Variants in HACD3 observed in about 807,000 individuals in gnomAD.
HACD3 encodes the protein very-long-chain (3R)-3-hydroxyacyl-CoA dehydratase 3.
A neutral mutation model predicts 55.2 loss-of-function variants in HACD3; 30 were observed. That is an observed-to-expected ratio of 0.54 (90% CI 0.41 to 0.74). HACD3 has a LOEUF of 0.74. Ranked by LOEUF, HACD3 falls within the 30% of genes least tolerant of loss-of-function variation. The pLI is 0.00. For synonymous variants in HACD3, 141 were observed against 151.7 expected (o/e 0.93, Z 0.52); for missense variants, 363 against 440.1 (o/e 0.82, Z 1.57).
intron 4 of HACD3, 147 bp from the exon 5 acceptor site, chr15:65,558,533 G>T: frequency 1.4e-6 from 1 of 710,964 alleles, no homozygotes; most frequent in South Asian, 1.8e-5. Flanking sequence ...TTGGCCCTAT[G>T]ACCTAGAATA....
intron 1 of HACD3, among the ~76,000 whole-genome samples, chr15:65,551,318 C>T (rs1485859502): frequency 6.6e-6 from 1 of 152,210 alleles, no homozygotes; most frequent in African/African-American, 2.4e-5. Flanking sequence ...CCACTGGATC[C>T]TCTGTTCTAC....
chr15:65,576,453 T>C lies in HACD3; in HGVS notation c.*74T>C. On this transcript the variant is annotated 3_prime_UTR_variant, in exon 11 of 11. Transcript: ENST00000261875. ...TTACAGTTTTACCTTCTTGAACCAA[T>C]GTAAAAGTTTTTTTAATGTTAAATG... is the stretch of plus-strand genomic sequence containing the variant. 1 of 1,444,136 alleles carries C rather than the reference T, an allele frequency of 6.9e-7. No homozygotes were observed. Among genetic ancestry groups the C allele is most frequent in the East Asian group, 2.4e-5 (1 of 40,854 alleles). The allele number at this position is 1,444,136 out of a possible 1,614,324, so 89.5% of individuals were successfully genotyped here.
intron 5 of HACD3, among the ~76,000 whole-genome samples, chr15:65,562,561 G>A (rs145736870): frequency 7.7e-4 from 117 of 152,154 alleles, no homozygotes; most frequent in African/African-American, 2.7e-3. Flanking sequence ...AGGAAGTCCT[G>A]CTGAAAATAC....
intron 1 of HACD3, among the ~76,000 whole-genome samples, chr15:65,546,744 T>A (rs551391444): frequency 2.2e-4 from 34 of 152,230 alleles, no homozygotes; most frequent in African/African-American, 6.5e-4. Flanking sequence ...CCTGGCCTAG[T>A]TTTTCAATTT....
intron 1 of HACD3, among the ~76,000 whole-genome samples, chr15:65,537,499 A>G (rs1014777619): frequency 2.6e-5 from 4 of 151,660 alleles, no homozygotes; most frequent in Non-Finnish European, 5.9e-5. Flanking sequence ...CTTAAGAATT[A>G]TGTTAAATCG....
At chr15:65,537,946 AAAAAAAAAAAAAATATATAT>A (rs1483560374) in intron 1 of HACD3, among the ~76,000 whole-genome samples, 15 of 53,482 alleles carry the variant, frequency 2.8e-4, no homozygotes, top group East Asian at 1.6e-3. Flanking sequence ...AAAAAAAAAA[AAAAAAAAAAAAAATATATAT>A]ATATATATAT....
At chr15:65,550,042 AG>A (rs1376377059) in intron 1 of HACD3, among the ~76,000 whole-genome samples, 5 of 152,216 alleles carry the variant, frequency 3.3e-5, no homozygotes, top group Non-Finnish European at 7.3e-5. Flanking sequence ...TAGAAAGGGC[AG>A]TTCATAATGA....
At chr15:65,538,788 C>T (rs1487200900) in intron 1 of HACD3, among the ~76,000 whole-genome samples, 1 of 152,200 alleles carries the variant, frequency 6.6e-6, no homozygotes, top group Non-Finnish European at 1.5e-5. Context: ...GAAATTGCCA[C>T]AGCCACTCCA....
At chr15:65,548,929 G>T (rs2072103889) in intron 1 of HACD3, among the ~76,000 whole-genome samples, 2 of 152,030 alleles carry the variant, frequency 1.3e-5, no homozygotes. Context: ...TGCTATGTAT[G>T]TTCCCCTAGC....
At chr15:65,561,547 C>G (rs2072244530) in intron 5 of HACD3, among the ~76,000 whole-genome samples, 1 of 152,128 alleles carries the variant, frequency 6.6e-6, no homozygotes, top group African/African-American at 2.4e-5. Flanking sequence ...GATGGCCACT[C>G]ATTTTTTTGC....
At chr15:65,563,700 G>C (rs2072264797) in intron 6 of HACD3, among the ~76,000 whole-genome samples, 1 of 152,174 alleles carries the variant, frequency 6.6e-6, no homozygotes. Flanking sequence ...GCTGTGCGTG[G>C]TGGCTCACGC....
rs376970034 is a variant in HACD3 at position 65,571,672 on chromosome 15, T to A, written c.880+18T>A. On this transcript the variant is annotated intron_variant, in intron 9 of 10. Transcript: ENST00000261875. ...GGCGGAAGGTACTCTCAGGGACTCT[T>A]AGCTTTCATAGCTTAGCTCCAGGGG... 6.4e-7 allele frequency: 1 copy of A among 1,567,200 alleles called. No individual in the cohort carries two copies. The highest frequency in any genetic ancestry group is 1.4e-5 in the African/African-American group (1 of 73,942).
Position 65,530,495 on chromosome 15 carries a change from G to A in HACD3, c.-137G>A. 1.5e-6 allele frequency: 1 copy of A among 689,252 alleles called. No individual in the cohort carries two copies. Among genetic ancestry groups the A allele is most frequent in the Non-Finnish European group, 2.3e-6 (1 of 443,942 alleles). The allele number at this position is 689,252 out of a possible 1,614,324, so 42.7% of individuals were successfully genotyped here. A position where few individuals can be genotyped will look rare whatever the true frequency, so the allele number is the denominator to read the frequency against. ...CGCAGGCGCGGCCCGCGAGCGTGGG[G>A]TATCTCGAGGTGCCGGGTTGCAGGC... On this transcript the variant is annotated 5_prime_UTR_variant, in exon 1 of 11. Transcript: ENST00000261875.
Position 65,576,379 on chromosome 15 carries a change from A to G in HACD3, c.1089A>G (p.Ter363=). The change falls in exon 11 of 11, where the codon TAA becomes TAG. Residue 363 remains the stop codon, a stop_retained_variant. Transcript: ENST00000261875. ...GACAAAAAAAGAAAAAGATCCACTA[A>G]AAAGAAAGATTTAGATGGCTTCTTG... ...RYGQKKKKIH[*] is the part of the protein sequence containing the mutation. 6.3e-7 allele frequency: 1 copy of G among 1,597,482 alleles called. No individual in the cohort carries two copies. Among genetic ancestry groups the G allele is most frequent in the East Asian group, 2.2e-5 (1 of 44,650 alleles).
At chr15:65,552,358 T>C (rs2072142246) in intron 2 of HACD3, among the ~76,000 whole-genome samples, 1 of 152,136 alleles carries the variant, frequency 6.6e-6, no homozygotes, top group South Asian at 2.1e-4. Flanking sequence ...TATTTTGAGA[T>C]TGAGTCTTGC....
intron 7 of HACD3, among the ~76,000 whole-genome samples, chr15:65,569,795 T>G (rs1453416977): frequency 7.2e-5 from 11 of 152,248 alleles, no homozygotes; most frequent in Non-Finnish European, 1.5e-5. Flanking sequence ...TTTCTTAACT[T>G]GGGTTATATA....
intron 7 of HACD3, chr15:65,565,904 A>C (rs934169297): frequency 6.6e-6 from 1 of 152,416 alleles, no homozygotes; most frequent in African/African-American, 2.4e-5. Flanking sequence ...GAATGCTTTT[A>C]ACAGCACCCA....
At chr15:65,538,635 CA>C (rs1194091546) in intron 1 of HACD3, among the ~76,000 whole-genome samples, 6 of 152,168 alleles carry the variant, frequency 3.9e-5, no homozygotes, top group African/African-American at 1.2e-4. Context: ...AAAGCAGTGG[CA>C]GGGGTTGAGA....
At chr15:65,538,414 A>C (rs542933074) in intron 1 of HACD3, among the ~76,000 whole-genome samples, 1 of 152,230 alleles carries the variant, frequency 6.6e-6, no homozygotes, top group Non-Finnish European at 1.5e-5. Context: ...GGTGTGGTAG[A>C]AATAGCAAGA....
Sources: allele counts gnomAD v4.1 joint callset (sites outside exome capture counted in the v4.1 genomes callset), GRCh38; gene constraint gnomAD v4.1.1; transcripts MANE v1.5; gene names NCBI Gene and HGNC (gene_info 2026-07-23, HGNC 2026-07-21).